RBM19: variants seen among roughly 807,000 people sequenced by gnomAD.
RBM19 encodes the protein probable RNA-binding protein 19.
RBM19 carries 94 observed loss-of-function variants against 116.8 expected under a neutral mutation model. The observed-to-expected ratio is 0.80, with a 90% confidence interval of 0.68 to 0.95. The LOEUF is 0.95. Ranked by LOEUF, RBM19 falls within the 40% of genes least tolerant of loss-of-function variation. The pLI is 0.00. For missense variants in RBM19, 1,161 were observed against 1,220.7 expected, an observed-to-expected ratio of 0.95 and a Z score of 0.73; for synonymous variants, 475 against 494.1, an observed-to-expected ratio of 0.96 and a Z score of 0.51.
At chr12:113,861,578 G>A (rs1010777211) in intron 21 of RBM19, among the ~76,000 whole-genome samples, 2 of 151,858 alleles carry the variant, frequency 1.3e-5, no homozygotes, top group African/African-American at 2.4e-5. Flanking sequence ...GAAAGAGAGA[G>A]AGAGAGAAAG....
intron 2 of RBM19, 53 bp downstream of exon 2, chr12:113,962,179 C>G: frequency 6.3e-7 from 1 of 1,593,800 alleles, no homozygotes; most frequent in Non-Finnish European, 8.6e-7. Context: ...AGTGAAAGAT[C>G]AAACAACGTC....
downstream of RBM19, among the ~76,000 whole-genome samples, chr12:113,819,441 CCT>C (rs1319089955): frequency 2.0e-5 from 3 of 152,230 alleles, no homozygotes; most frequent in Admixed American, 1.3e-4. Flanking sequence ...GTCACAGCCC[CCT>C]GAGATGTGGC....
At chr12:113,852,449 C>T (rs1877535810) in intron 22 of RBM19, among the ~76,000 whole-genome samples, 1 of 152,162 alleles carries the variant, frequency 6.6e-6, no homozygotes, top group African/African-American at 2.4e-5. Context: ...GGCAAAAAGC[C>T]CACAATTACA....
intron 19 of RBM19, among the ~76,000 whole-genome samples, 199 bp from the exon 20 acceptor site, chr12:113,918,646 CAG>C (rs1246660442): frequency 6.6e-6 from 1 of 152,228 alleles, no homozygotes; most frequent in Admixed American, 6.5e-5. Context: ...AGCTGGTGGT[CAG>C]AGACTCAGCC....
At chr12:113,820,772 G>C (rs1173924356), downstream of RBM19, among the ~76,000 whole-genome samples, 1 of 152,130 alleles carries the variant, frequency 6.6e-6, no homozygotes. Context: ...GGGTGCAGGG[G>C]CCAGGCTCAG....
intron 13 of RBM19, among the ~76,000 whole-genome samples, chr12:113,942,798 A>G (rs1036461410): frequency 1.3e-5 from 2 of 151,922 alleles, no homozygotes; most frequent in African/African-American, 4.8e-5. Context: ...TTTTGTAGAG[A>G]TGGGAGTTTG....
chr12:113,963,407 T>C (rs533923257), intron 1 of RBM19, among the ~76,000 whole-genome samples: 2 of 152,258 alleles, frequency 1.3e-5, no homozygotes, highest in South Asian at 4.2e-4. Context: ...TGAGGGGACA[T>C]TCAGGGCCCC....
At chr12:113,915,158 C>A (rs1593578553) in intron 20 of RBM19, 73 bp from the exon 21 acceptor site, 3 of 1,183,604 alleles carry the variant, frequency 2.5e-6, no homozygotes, top group African/African-American at 1.5e-5. Context: ...GACTCCACTA[C>A]GCCTCCATCA....
intron 21 of RBM19, among the ~76,000 whole-genome samples, chr12:113,872,101 A>G (rs1321065933): frequency 6.9e-6 from 1 of 144,930 alleles, no homozygotes; most frequent in African/African-American, 2.6e-5. Flanking sequence ...CCCAGCCGCC[A>G]TCACATCTAG....
intron 14 of RBM19, 79 bp from the exon 15 acceptor site, chr12:113,940,239 C>T: frequency 6.9e-7 from 1 of 1,443,230 alleles, no homozygotes; most frequent in Non-Finnish European, 9.5e-7. Context: ...GATCGTGGGG[C>T]TCTCCAGACA....
chr12:113,868,358 A>G (rs2135759247), intron 21 of RBM19, among the ~76,000 whole-genome samples: 1 of 152,086 alleles, frequency 6.6e-6, no homozygotes, highest in African/African-American at 2.4e-5. Flanking sequence ...GAACCTGAAT[A>G]GAGTCCTCGG....
intron 20 of RBM19, among the ~76,000 whole-genome samples, chr12:113,917,433 G>A (rs1427420638): frequency 6.6e-6 from 1 of 152,120 alleles, no homozygotes; most frequent in Admixed American, 6.6e-5. Context: ...CTGTTATACT[G>A]GCAGCTCAGG....
At chr12:113,856,111 G>T (rs988980483) in intron 22 of RBM19, among the ~76,000 whole-genome samples, 8 of 152,148 alleles carry the variant, frequency 5.3e-5, no homozygotes, top group Non-Finnish European at 7.4e-5. Flanking sequence ...GCCACCTGAT[G>T]GGGAGAAGGG....
rs1024730461 is a variant in RBM19, at chr12:113,966,319, C to T, written c.-92G>A. On this transcript the variant is annotated 5_prime_UTR_variant, in exon 1 of 24. Coordinates refer to ENST00000261741, the MANE Select transcript of RBM19 (RefSeq NM_016196.4). ...ACCGCCCTGGGCGCCGCCATCTTTA[C>T]CGAGCCGGAACACAGTCACGTGGCT... 1.4e-5 allele frequency: 21 copies of T among 1,535,344 alleles called. No individual in the cohort carries two copies. The African/African-American group carries it at 1.6e-4, about 12-fold the overall frequency.
At chr12:113,895,036 T>A (rs1052346013) in intron 21 of RBM19, among the ~76,000 whole-genome samples, 4 of 152,224 alleles carry the variant, frequency 2.6e-5, no homozygotes, top group Non-Finnish European at 5.9e-5. Flanking sequence ...ACTTCACTCA[T>A]CAAGGCTTCT....
intron 22 of RBM19, among the ~76,000 whole-genome samples, chr12:113,853,606 T>C (rs1308411275): frequency 6.6e-6 from 1 of 152,134 alleles, no homozygotes; most frequent in Non-Finnish European, 1.5e-5. Context: ...ACCAGCCCGG[T>C]CTGGGTAAAG....
intron 23 of RBM19, among the ~76,000 whole-genome samples, chr12:113,839,812 A>G (rs1297784370): frequency 2.0e-5 from 3 of 152,252 alleles, no homozygotes; most frequent in African/African-American, 7.2e-5. Flanking sequence ...TTGCCCCAGG[A>G]CAACAGCCAG....
In RBM19 at chr12:113,945,928, A is replaced by G. The variant is rs149336819; in HGVS notation, c.1530-4T>C. ...TAGTGTGTTCCAGTTGTGAGAGCTA[A>G]GAGGCAGAGGCAGAACAGGGAGATC... On this transcript the variant is annotated splice_polypyrimidine_tract_variant and splice_region_variant and intron_variant, in intron 12 of 23. Coordinates refer to ENST00000261741, the MANE Select transcript of RBM19 (RefSeq NM_016196.4). 9 of 1,547,712 alleles carry G rather than the reference A, an allele frequency of 5.8e-6. 1 individual carries two copies. The South Asian group carries it at 6.7e-5, about 12-fold the overall frequency.
At chr12:113,831,920 A>C (rs2135694521) in intron 23 of RBM19, among the ~76,000 whole-genome samples, 1 of 152,154 alleles carries the variant, frequency 6.6e-6, no homozygotes, top group South Asian at 2.1e-4. Flanking sequence ...CTGCAGGGAG[A>C]AGGATCTTGC....
Sources: gnomAD v4.1 joint callset for allele counts (sites outside exome capture counted in the v4.1 genomes callset) on GRCh38, gnomAD v4.1.1 for gene constraint, MANE v1.5 for transcripts, NCBI Gene and HGNC (gene_info 2026-07-23, HGNC 2026-07-21) for gene names.